Variants in NKAIN2 observed in about 807,000 individuals in gnomAD.
The protein encoded by NKAIN2 is sodium/potassium-transporting ATPase subunit beta-1-interacting protein 2.
Under a neutral mutation model 32.6 loss-of-function variants are expected in NKAIN2, and 14 were observed. The ratio of observed to expected loss-of-function variants is 0.43; its 90% CI spans 0.28 to 0.67. The LOEUF is 0.67. Among genes scored for constraint, NKAIN2 ranks in the 30% least tolerant of loss-of-function variants. The pLI is 0.17. For missense variants in NKAIN2, 198 were observed against 258.3 expected, an observed-to-expected ratio of 0.77 and a Z score of 1.60; for synonymous variants, 80 against 87.2, an observed-to-expected ratio of 0.92 and a Z score of 0.46.
chr6:123,907,894 T>C (rs1371968765), intron 1 of NKAIN2, among the ~76,000 whole-genome samples: 2 of 152,218 alleles, frequency 1.3e-5, no homozygotes, highest in African/African-American at 2.4e-5. Flanking sequence ...TCGTGTTTCA[T>C]AGGACACTTT....
chr6:124,692,762 G>A (rs1301677564), intron 4 of NKAIN2, among the ~76,000 whole-genome samples: 2 of 151,204 alleles, frequency 1.3e-5, no homozygotes, highest in Admixed American at 6.6e-5. Flanking sequence ...GTTGCAGTGA[G>A]CCGAGATCAC....
rs185928397 is a variant in NKAIN2, at chr6:124,294,710, T to A, written c.192+11568T>A. ...CTTTGTGATTGCCCAGCTGACTCTT[T>A]AAGGAAATAGTTGTCATTTTCCTGG... On this transcript the variant is annotated intron_variant, in intron 2 of 6. Transcript: ENST00000368417. Among the ~76,000 whole-genome samples the A allele has an allele frequency of 1.6e-3, 247 of 152,268 alleles. 2 individuals carry two copies. Among genetic ancestry groups the A allele is most frequent in the Middle Eastern group, 6.8e-3 (2 of 294 alleles).
chr6:123,810,307 C>T (rs1041135239), intron 1 of NKAIN2, among the ~76,000 whole-genome samples: 1 of 152,042 alleles, frequency 6.6e-6, no homozygotes, highest in Non-Finnish European at 1.5e-5. Context: ...CTATAGCAGC[C>T]TCTCATGTTT....
At chr6:124,257,028 C>T (rs879727500) in intron 1 of NKAIN2, among the ~76,000 whole-genome samples, 2 of 150,732 alleles carry the variant, frequency 1.3e-5, no homozygotes, top group African/African-American at 2.4e-5. Context: ...TTCTCGAAGG[C>T]GTTGTCACTG....
intron 2 of NKAIN2, among the ~76,000 whole-genome samples, chr6:124,345,828 A>G (rs1193270020): frequency 2.6e-5 from 4 of 151,792 alleles, no homozygotes; most frequent in East Asian, 1.9e-4. Context: ...TTATGTCTCT[A>G]TTTCCTTCAG....
In NKAIN2 at chr6:124,814,244, T is replaced by C. The variant is rs201214800; in HGVS notation, c.536-4143T>C. 7.9e-5 allele frequency among the ~76,000 whole-genome samples: 12 copies of C among 152,294 alleles called. No homozygotes were observed. The East Asian group carries it at 2.3e-3, about 29-fold the overall frequency. ...TGCCTATTCTTCTCCCTGAGGTCTT[T>C]AGGAAGACATCCAAACAATTTCTGA... On this transcript the variant is annotated intron_variant, in intron 5 of 6. Transcript: ENST00000368417.
chr6:123,869,896 T>A, intron 1 of NKAIN2, among the ~76,000 whole-genome samples: 1 of 152,186 alleles, frequency 6.6e-6, no homozygotes, highest in East Asian at 1.9e-4. Context: ...AAATAGGCTG[T>A]CTAAATGGAC....
intron 3 of NKAIN2, among the ~76,000 whole-genome samples, chr6:124,568,822 C>CAAAAAAAA (rs3053601): frequency 1.2e-5 from 1 of 80,500 alleles, no homozygotes; most frequent in Non-Finnish European, 2.2e-5. Flanking sequence ...AGCACTGTGG[C>CAAAAAAAA]AAAAAAAAAA....
intron 1 of NKAIN2, among the ~76,000 whole-genome samples, chr6:124,159,923 G>A (rs1160526178): frequency 6.6e-6 from 1 of 152,144 alleles, no homozygotes; most frequent in East Asian, 1.9e-4. Flanking sequence ...AAAAATATTC[G>A]ATGTTCTACA....
chr6:124,263,849 AAAG>A (rs1411493789), intron 1 of NKAIN2, among the ~76,000 whole-genome samples: 1 of 152,216 alleles, frequency 6.6e-6, no homozygotes, highest in Non-Finnish European at 1.5e-5. Flanking sequence ...TTGGTTAAAA[AAAG>A]ATTCAAATTT....
chr6:124,763,745 T>C (rs1381783337), intron 4 of NKAIN2, among the ~76,000 whole-genome samples: 1 of 152,208 alleles, frequency 6.6e-6, no homozygotes, highest in Admixed American at 6.5e-5. Flanking sequence ...CTAGATTGAT[T>C]TAGCCATTCC....
In NKAIN2 at chr6:123,843,552, C is replaced by T. The variant is rs536670543; in HGVS notation, c.54+39298C>T. ...GGTTTTGGAAAAGGTATCTTTTGGT[C>T]GGGACAACAGGAATGCATATTTTTA... is the stretch of plus-strand genomic sequence containing the variant. On this transcript the variant is annotated intron_variant, in intron 1 of 6. Coordinates refer to ENST00000368417, the MANE Select transcript of NKAIN2 (RefSeq NM_001040214.3). Among the ~76,000 whole-genome samples, 252 of 152,070 alleles carry T rather than the reference C, an allele frequency of 1.7e-3. 1 individual carries two copies. Among genetic ancestry groups the T allele is most frequent in the African/African-American group, 5.5e-3 (229 of 41,490 alleles).
chr6:124,586,485 C>T (rs754806108), intron 3 of NKAIN2, among the ~76,000 whole-genome samples: 1 of 152,008 alleles, frequency 6.6e-6, no homozygotes, highest in Non-Finnish European at 1.5e-5. Context: ...AACTGCCTAT[C>T]GGGTACTAGG....
intron 3 of NKAIN2, among the ~76,000 whole-genome samples, chr6:124,497,438 C>A (rs539564162): frequency 2.6e-5 from 4 of 152,106 alleles, no homozygotes; most frequent in South Asian, 2.1e-4. Context: ...CTTTTCACAG[C>A]GAAGAAGGGG....
At chr6:124,229,010 A>G (rs1582886389) in intron 1 of NKAIN2, among the ~76,000 whole-genome samples, 1 of 152,304 alleles carries the variant, frequency 6.6e-6, no homozygotes, top group East Asian at 1.9e-4. Flanking sequence ...CTGTTAGTCA[A>G]CTAATAAATA....
chr6:124,537,183 C>T (rs767469945), intron 3 of NKAIN2, among the ~76,000 whole-genome samples: 37 of 152,160 alleles, frequency 2.4e-4, no homozygotes, highest in Non-Finnish European at 4.4e-4. Flanking sequence ...CTCCTGTTAA[C>T]AAACCATATC....
chr6:123,976,388 T>TTCCC (rs1562287818), intron 1 of NKAIN2, among the ~76,000 whole-genome samples: 1 of 45,644 alleles, frequency 2.2e-5, no homozygotes, highest in Non-Finnish European at 4.5e-5. Context: ...TATATATATA[T>TTCCC]ATATATATAT....
At chr6:124,053,120 G>A (rs1227042315) in intron 1 of NKAIN2, among the ~76,000 whole-genome samples, 1 of 151,750 alleles carries the variant, frequency 6.6e-6, no homozygotes, top group Non-Finnish European at 1.5e-5. Flanking sequence ...TAATTTCAGG[G>A]GTCAATGTGC....
At chr6:124,175,314 G>GA (rs1165496535) in intron 1 of NKAIN2, among the ~76,000 whole-genome samples, 1 of 152,070 alleles carries the variant, frequency 6.6e-6, no homozygotes, top group East Asian at 1.9e-4. Context: ...ACTATTTGTA[G>GA]GGAAAAAAAG....
Sources: allele counts gnomAD v4.1 joint callset (sites outside exome capture counted in the v4.1 genomes callset), GRCh38; gene constraint gnomAD v4.1.1; transcripts MANE v1.5; gene names NCBI Gene and HGNC (gene_info 2026-07-23, HGNC 2026-07-21).